The following FZD3 variants were observed in gnomAD, a reference collection of about 807,000 sequenced individuals.
FZD3 encodes frizzled class receptor 3, also known as frizzled-3.
In FZD3, 30 loss-of-function variants were observed where a neutral mutation model predicts 60.7. The ratio of observed to expected loss-of-function variants is 0.49; its 90% CI spans 0.37 to 0.67. The LOEUF (loss-of-function observed/expected upper bound fraction) is 0.67. Among genes scored for constraint, FZD3 ranks in the 30% least tolerant of loss-of-function variants. The pLI is 0.00. For synonymous variants in FZD3, 246 were observed against 275.2 expected (o/e 0.89, Z 1.05); for missense variants, 605 against 838.7 (o/e 0.72, Z 3.44).
At chr8:28,549,159 A>G (rs1805358180) in intron 5 of FZD3, among the ~76,000 whole-genome samples, 3 of 152,156 alleles carry the variant, frequency 2.0e-5, no homozygotes, top group Admixed American at 1.3e-4. Flanking sequence ...GTGTGTACAC[A>G]TGCCTGGTGT....
intron 5 of FZD3, among the ~76,000 whole-genome samples, chr8:28,542,027 G>A (rs1375036312): frequency 6.6e-6 from 1 of 151,212 alleles, no homozygotes. Flanking sequence ...AAACATAAGC[G>A]AGATCATGTT....
chr8:28,501,040 G>A (rs1443701881), intron 2 of FZD3, among the ~76,000 whole-genome samples: 3 of 152,182 alleles, frequency 2.0e-5, no homozygotes, highest in Admixed American at 6.5e-5. Flanking sequence ...GATTACAAGC[G>A]TGAGCCACTG....
At chr8:28,499,472 A>G (rs1261223799) in intron 1 of FZD3, among the ~76,000 whole-genome samples, 1 of 152,122 alleles carries the variant, frequency 6.6e-6, no homozygotes, top group Non-Finnish European at 1.5e-5. Context: ...TGTTATAAAC[A>G]GTGTTACACT....
chr8:28,552,316 G>A (rs188322952), intron 6 of FZD3, among the ~76,000 whole-genome samples: 21 of 152,260 alleles, frequency 1.4e-4, no homozygotes, highest in Middle Eastern at 6.8e-3. Context: ...AATGATATTA[G>A]TAGATTAATT....
chr8:28,505,389 T>G (rs924518774), intron 3 of FZD3, among the ~76,000 whole-genome samples: 3 of 152,162 alleles, frequency 2.0e-5, no homozygotes, highest in Non-Finnish European at 4.4e-5. Flanking sequence ...TCTCACTCTG[T>G]GGCCCACACT....
At position 28,495,156 on chromosome 8, in the gene FZD3, C is replaced by A. The variant is rs142451187; in HGVS notation, c.-391+813C>A. Among the ~76,000 whole-genome samples the A allele has an allele frequency of 1.1e-4, 16 of 152,282 alleles. No homozygotes were observed. In the East Asian group the frequency reaches 2.5e-3, roughly 24 times the overall value. On this transcript the variant is annotated intron_variant, in intron 1 of 7. Transcript: ENST00000240093. Reference sequence around the variant, plus strand: ...TTTTACATCTTAGGAGTCTTGAGTTCGATCCCTCTGTTGTAAGAGAAGCCA... The same window carrying A: ...TTTTACATCTTAGGAGTCTTGAGTTAGATCCCTCTGTTGTAAGAGAAGCCA...
At chr8:28,497,050 C>T (rs573610328) in intron 1 of FZD3, among the ~76,000 whole-genome samples, 16 of 152,072 alleles carry the variant, frequency 1.1e-4, no homozygotes, top group African/African-American at 3.9e-4. Flanking sequence ...TTTTAAAGAT[C>T]TTCTGTCTTC....
chr8:28,535,339 A>G (rs1755827949), intron 5 of FZD3, among the ~76,000 whole-genome samples: 1 of 152,172 alleles, frequency 6.6e-6, no homozygotes, highest in Admixed American at 6.5e-5. Context: ...TTTCCCTGTT[A>G]TTAATATCTT....
chr8:28,528,176 C>A lies in FZD3; in HGVS notation c.1404+12C>A, dbSNP rs1250624969. On this transcript the variant is annotated intron_variant, in intron 5 of 7. Transcript: ENST00000240093. ...CATGTCCATATCAGGTAAGGGAAAC[C>A]TTGTTACAAATTTCAGAATATATGA... 2 of 1,577,514 alleles carry A rather than the reference C, an allele frequency of 1.3e-6. No homozygotes were observed. Among genetic ancestry groups the A allele is most frequent in the Non-Finnish European group, 1.7e-6 (2 of 1,160,722 alleles).
intron 1 of FZD3, among the ~76,000 whole-genome samples, chr8:28,497,764 C>T (rs553012222): frequency 6.6e-6 from 1 of 152,194 alleles, no homozygotes; most frequent in East Asian, 1.9e-4. Flanking sequence ...CTTTGACAAG[C>T]CCTTAGGGCC....
At chr8:28,524,842 G>A (rs762114960) in intron 4 of FZD3, among the ~76,000 whole-genome samples, 7 of 152,128 alleles carry the variant, frequency 4.6e-5, no homozygotes, top group East Asian at 1.9e-4. Flanking sequence ...ATCTGGCCTC[G>A]GTTTGTCTCC....
chr8:28,494,830 G>A (rs1022206042), intron 1 of FZD3, among the ~76,000 whole-genome samples: 22 of 152,034 alleles, frequency 1.4e-4, no homozygotes, highest in Non-Finnish European at 1.8e-4. Context: ...AATGCTCCGG[G>A]GGCTCCCGGC....
chr8:28,516,779 CTT>C (rs1804439779), intron 3 of FZD3, among the ~76,000 whole-genome samples: 1 of 151,472 alleles, frequency 6.6e-6, no homozygotes, highest in Admixed American at 6.6e-5. Flanking sequence ...TTTTTTCTCT[CTT>C]ATCTTGCCTT....
intron 5 of FZD3, among the ~76,000 whole-genome samples, chr8:28,541,064 T>A (rs889864154): frequency 1.0e-4 from 16 of 152,390 alleles, no homozygotes; most frequent in African/African-American, 2.9e-4. Context: ...AGCTAGTATA[T>A]GGCCTGTTTT....
At chr8:28,550,178 C>T (rs892195014) in intron 5 of FZD3, among the ~76,000 whole-genome samples, 2 of 151,948 alleles carry the variant, frequency 1.3e-5, no homozygotes, top group African/African-American at 4.8e-5. Context: ...TTTATTTCTT[C>T]TATAATATAT....
intron 3 of FZD3, among the ~76,000 whole-genome samples, chr8:28,514,515 T>G (rs910281132): frequency 3.9e-5 from 6 of 152,300 alleles, no homozygotes; most frequent in Non-Finnish European, 8.8e-5. Context: ...CCTGAAAAGC[T>G]TTCTTGTGCT....
rs1028370391 is a variant in FZD3 at position 28,563,156 on chromosome 8, T to A, written c.*145T>A. 1.6e-6 allele frequency: 1 copy of A among 623,308 alleles called. No individual in the cohort carries two copies. Among genetic ancestry groups the A allele is most frequent in the African/African-American group, 1.8e-5 (1 of 54,444 alleles). The allele number at this position is 623,308 out of a possible 1,614,324, so 38.6% of individuals were successfully genotyped here. ...GTCCACTGGAAAGGTAAATGATTGC[T>A]TTTTTATATTGCATCAAACTTGGAA... On this transcript the variant is annotated 3_prime_UTR_variant, in exon 8 of 8. Transcript: ENST00000240093.
chr8:28,507,192 A>G (rs955215148), intron 3 of FZD3, among the ~76,000 whole-genome samples: 1 of 152,116 alleles, frequency 6.6e-6, no homozygotes, highest in Admixed American at 6.5e-5. Flanking sequence ...GGGTTCATAC[A>G]TTGCATCCAA....
At chr8:28,522,104 CTTTTTTTTTTT>C (rs1159167662) in intron 4 of FZD3, among the ~76,000 whole-genome samples, 8 of 140,396 alleles carry the variant, frequency 5.7e-5, no homozygotes, top group African/African-American at 2.1e-4. Flanking sequence ...TTTCTCTTCT[CTTTTTTTTTTT>C]TTTTTTTGAG....
Sources: gnomAD v4.1 joint callset for allele counts (sites outside exome capture counted in the v4.1 genomes callset) on GRCh38, gnomAD v4.1.1 for gene constraint, MANE v1.5 for transcripts, NCBI Gene and HGNC (gene_info 2026-07-23, HGNC 2026-07-21) for gene names.